Variants in KCNH5 observed in about 807,000 individuals in gnomAD.
KCNH5 encodes potassium voltage-gated channel subfamily H member 5.
In KCNH5, 46 loss-of-function variants were observed where a neutral mutation model predicts 96.1. The observed-to-expected ratio is 0.48, with a 90% confidence interval of 0.38 to 0.61. The LOEUF (loss-of-function observed/expected upper bound fraction) is 0.61, where lower values mean the gene tolerates loss of function less well. KCNH5 is among the 20% of genes least tolerant of loss of function. The probability of loss-of-function intolerance (pLI) is 0.00; values close to 1 mark genes in which losing one functional copy is unlikely to be tolerated. For missense variants in KCNH5, 907 were observed against 1,225.8 expected (o/e 0.74, Z 3.88); for synonymous variants, 439 against 449.8 (o/e 0.98, Z 0.30).
chr14:63,044,930 CTT>C (rs1171157134), intron 1 of KCNH5, among the ~76,000 whole-genome samples, 182 bp downstream of exon 1: 4 of 152,110 alleles, frequency 2.6e-5, no homozygotes, highest in African/African-American at 9.7e-5. Flanking sequence ...ATGCAACTAA[CTT>C]TCCCCCACCA....
At chr14:62,875,612 AC>A (rs1888356030) in intron 7 of KCNH5, among the ~76,000 whole-genome samples, 1 of 152,342 alleles carries the variant, frequency 6.6e-6, no homozygotes, top group East Asian at 1.9e-4. Flanking sequence ...AATTAGTTCA[AC>A]CATTGTGGAA....
At chr14:62,926,066 C>A (rs1026442025) in intron 7 of KCNH5, among the ~76,000 whole-genome samples, 6 of 151,876 alleles carry the variant, frequency 4.0e-5, no homozygotes, top group Non-Finnish European at 7.4e-5. Flanking sequence ...AAGTAACATA[C>A]AATAAGCATT....
Position 62,779,919 on chromosome 14 carries a change from C to T in KCNH5, c.1828G>A (p.Gly610Ser). The T allele has an allele frequency of 6.2e-7, 1 of 1,611,356 alleles. No individual in the cohort carries two copies. Among genetic ancestry groups the T allele is most frequent in the South Asian group, 1.1e-5 (1 of 90,628 alleles). The change falls in exon 10 of 11, where the codon GGT becomes AGT. Residue 610 changes from glycine to serine, a missense_variant. Around this residue, in one of 6 missense-constraint regions of KCNH5, gnomAD observed 57 missense variants for 76.0 expected, o/e 0.75. Coordinates refer to ENST00000322893, the MANE Select transcript of KCNH5 (RefSeq NM_139318.5). ...CAGAAGATGTCTCCAAATACATCACCCTTCCCTAGAAAACAGTATAAGATA... is the reference window on the plus strand; with the variant it reads ...CAGAAGATGTCTCCAAATACATCACTCTTCCCTAGAAAACAGTATAAGATA... Reference protein sequence around the residue: ...DDEVVAILGKGDVFGDIFWKE... With the variant: ...DDEVVAILGKSDVFGDIFWKE...
At chr14:62,796,526 G>C (rs778789371) in intron 9 of KCNH5, among the ~76,000 whole-genome samples, 1 of 152,264 alleles carries the variant, frequency 6.6e-6, no homozygotes, top group East Asian at 1.9e-4. Context: ...GAAAGACTTA[G>C]ATAGAGATTG....
chr14:62,901,475 A>G (rs975698619), intron 7 of KCNH5, among the ~76,000 whole-genome samples: 6 of 152,278 alleles, frequency 3.9e-5, no homozygotes, highest in Admixed American at 3.9e-4. Context: ...GGAAACCTGC[A>G]GTATTTAGTT....
At chr14:63,009,534 A>T (rs1891187771) in intron 2 of KCNH5, among the ~76,000 whole-genome samples, 1 of 152,164 alleles carries the variant, frequency 6.6e-6, no homozygotes, top group Non-Finnish European at 1.5e-5. Flanking sequence ...ATTATACCGC[A>T]TATTTCCAGT....
intron 6 of KCNH5, among the ~76,000 whole-genome samples, chr14:62,956,764 T>C (rs1890112381): frequency 6.6e-6 from 1 of 152,190 alleles, no homozygotes; most frequent in South Asian, 2.1e-4. Flanking sequence ...TTAATTTCAC[T>C]TATATGATAC....
At chr14:63,001,606 C>A (rs1354282583) in intron 3 of KCNH5, 147 bp from the exon 4 acceptor site, 3 of 632,422 alleles carry the variant, frequency 4.7e-6, no homozygotes, top group African/African-American at 3.8e-5. Flanking sequence ...TTACTACAAA[C>A]AATCCGTAAA....
chr14:62,813,399 T>G (rs1167855205), intron 8 of KCNH5, among the ~76,000 whole-genome samples: 1 of 152,164 alleles, frequency 6.6e-6, no homozygotes, highest in Non-Finnish European at 1.5e-5. Flanking sequence ...ATTTCTAATG[T>G]GCAAATGGGG....
chr14:62,805,857 T>G (rs1886756252), intron 8 of KCNH5, among the ~76,000 whole-genome samples: 1 of 152,144 alleles, frequency 6.6e-6, no homozygotes, highest in Admixed American at 6.6e-5. Context: ...AGCAATAAAT[T>G]TTCTTGTAAG....
At chr14:62,785,112 A>G (rs921856108) in intron 9 of KCNH5, among the ~76,000 whole-genome samples, 5 of 152,342 alleles carry the variant, frequency 3.3e-5, no homozygotes, top group African/African-American at 1.2e-4. Context: ...AACCATTTCA[A>G]AGTGTGTTTA....
intron 9 of KCNH5, among the ~76,000 whole-genome samples, chr14:62,792,934 C>T (rs948587736): frequency 4.0e-5 from 6 of 151,612 alleles, no homozygotes; most frequent in African/African-American, 9.7e-5. Flanking sequence ...GAAAACGTGG[C>T]GTATGCATAC....
At chr14:62,723,331 CTA>C (rs1332841712) in intron 10 of KCNH5, among the ~76,000 whole-genome samples, 1 of 152,076 alleles carries the variant, frequency 6.6e-6, no homozygotes, top group Non-Finnish European at 1.5e-5. Flanking sequence ...TAATCTTTCT[CTA>C]TTATTAAGAA....
chr14:62,840,118 C>T (rs1010283096), intron 8 of KCNH5, among the ~76,000 whole-genome samples: 1 of 152,032 alleles, frequency 6.6e-6, no homozygotes, highest in Non-Finnish European at 1.5e-5. Flanking sequence ...ACCACAAAAC[C>T]CTCTAATACC....
At chr14:62,924,465 C>T (rs1341095557) in intron 7 of KCNH5, among the ~76,000 whole-genome samples, 1 of 151,906 alleles carries the variant, frequency 6.6e-6, no homozygotes, top group East Asian at 1.9e-4. Flanking sequence ...AATCCCACTT[C>T]TGGGTACTTA....
intron 7 of KCNH5, among the ~76,000 whole-genome samples, chr14:62,947,074 C>T (rs1445509239): frequency 6.6e-6 from 1 of 152,088 alleles, no homozygotes; most frequent in African/African-American, 2.4e-5. Context: ...AATTTTGATA[C>T]TGAGCTATAG....
chr14:62,997,895 A>T (rs1191286360), intron 4 of KCNH5, among the ~76,000 whole-genome samples: 2 of 114,952 alleles, frequency 1.7e-5, no homozygotes, highest in Non-Finnish European at 3.3e-5. Context: ...GCCAGACTCC[A>T]TCTCAAAAAA....
At chr14:62,827,258 G>A (rs376291722) in intron 8 of KCNH5, among the ~76,000 whole-genome samples, 1 of 152,060 alleles carries the variant, frequency 6.6e-6, no homozygotes, top group South Asian at 2.1e-4. Context: ...ATAATATCTT[G>A]GCTGTTTCAT....
chr14:62,879,874 C>G (rs541807160), intron 7 of KCNH5, among the ~76,000 whole-genome samples: 11 of 152,182 alleles, frequency 7.2e-5, no homozygotes, highest in South Asian at 2.1e-4. Flanking sequence ...CAAATGTCAT[C>G]CATGTCTTCT....
Sources: gnomAD v4.1 joint callset for allele counts (sites outside exome capture counted in the v4.1 genomes callset) on GRCh38, gnomAD v4.1.1 for gene constraint, gnomAD v4.1.1 regional missense constraint, MANE v1.5 for transcripts, NCBI Gene and HGNC (gene_info 2026-07-23, HGNC 2026-07-21) for gene names.